The following C12orf76 variants were observed in gnomAD, a reference collection of about 807,000 sequenced individuals.
The protein encoded by C12orf76 is chromosome 12 open reading frame 76.
C12orf76 carries 6 observed loss-of-function variants against 6.8 expected under a neutral mutation model. The ratio of observed to expected loss-of-function variants is 0.88; its 90% CI spans 0.48 to 1.73. The LOEUF is 1.73. Among genes scored for constraint, C12orf76 ranks in the 40% most tolerant of loss-of-function variants. C12orf76 has a pLI of 0.01. For missense variants in C12orf76, 99 were observed against 98.2 expected (o/e 1.01, Z -0.03); for synonymous variants, 56 against 43.7 (o/e 1.28, Z -1.11).
chr12:110,050,689 G>A (rs1221219019), upstream of C12orf76: 12 of 369,300 alleles, frequency 3.2e-5, no homozygotes, highest in South Asian at 2.1e-4. Context: ...TCCACCCCTC[G>A]TTTAGCGTAT....
At chr12:110,067,716 G>C, upstream of C12orf76, 1 of 257,732 alleles carries the variant, frequency 3.9e-6, no homozygotes, top group Non-Finnish European at 6.1e-6. Flanking sequence ...ACAGGAACCA[G>C]CACATGACCC....
At chr12:110,047,511 A>AAACAAC (rs997254234) in intron 1 of C12orf76, among the ~76,000 whole-genome samples, 1 of 151,994 alleles carries the variant, frequency 6.6e-6, no homozygotes. Context: ...TACAAAAAGT[A>AAACAAC]AACAACAACA....
At chr12:110,058,065 C>CAAAAAAAAAAAAAAAAAAAAAAAAAAA (rs59838926) in intron 3 of C12orf76, among the ~76,000 whole-genome samples, 2 of 52,672 alleles carry the variant, frequency 3.8e-5, no homozygotes, top group African/African-American at 6.7e-5. Flanking sequence ...GACTCGGTCT[C>CAAAAAAAAAAAAAAAAAAAAAAAAAAA]AAAAAAAAAA....
rs1197353893 is a variant in C12orf76 at position 110,042,007 on chromosome 12, A to C, written c.*367T>G. On this transcript the variant is annotated 3_prime_UTR_variant, in exon 2 of 2. Transcript: ENST00000615315. Reference sequence around the variant, plus strand: ...CTGCATGGTAAGTCTCCTTCTTAATAACATTTTCAAGCATTAATGATGAGT... The same window carrying C: ...CTGCATGGTAAGTCTCCTTCTTAATCACATTTTCAAGCATTAATGATGAGT... The C allele has an allele frequency of 4.6e-6, 1 of 215,306 alleles. No homozygotes were observed. The allele number at this position is 215,306 out of a possible 1,614,324, so 13.3% of individuals were successfully genotyped here.
chr12:110,053,151 C>T (rs1892611194), upstream of C12orf76, among the ~76,000 whole-genome samples: 1 of 149,170 alleles, frequency 6.7e-6, no homozygotes, highest in Non-Finnish European at 1.5e-5. Flanking sequence ...AATATCGTGC[C>T]ACTGTACTCC....
intron 1 of C12orf76, chr12:110,066,113 G>A (rs760006496): frequency 9.9e-5 from 138 of 1,397,352 alleles, no homozygotes; most frequent in South Asian, 9.1e-4. Context: ...CAGGCCGGGC[G>A]CGGTAGCTCA....
At chr12:110,042,570 T>C in intron 1 of C12orf76, 111 bp from the exon 2 acceptor site, 1 of 743,808 alleles carries the variant, frequency 1.3e-6, no homozygotes, top group South Asian at 1.4e-5. Flanking sequence ...CTATGTCAAG[T>C]GCTGTGCAAA....
upstream of C12orf76, chr12:110,050,603 G>A (rs533307712): frequency 7.9e-5 from 16 of 203,036 alleles, no homozygotes; most frequent in East Asian, 1.1e-3. Context: ...TCCCAGCAGC[G>A]CCATGACAGT....
chr12:110,070,894 C>T (rs1892953803), upstream of C12orf76, among the ~76,000 whole-genome samples: 1 of 152,206 alleles, frequency 6.6e-6, no homozygotes, highest in Non-Finnish European at 1.5e-5. Flanking sequence ...TGTGCCTCAG[C>T]TTACCGAGTA....
At chr12:110,051,066 G>A (rs750391379), upstream of C12orf76, 44 of 780,166 alleles carry the variant, frequency 5.6e-5, no homozygotes, top group Middle Eastern at 1.1e-3. Flanking sequence ...CTTTCTCCAC[G>A]ATCTCCTCTT....
upstream of C12orf76, chr12:110,050,315 T>C (rs561236190): frequency 9.8e-5 from 15 of 152,560 alleles, no homozygotes; most frequent in African/African-American, 3.6e-4. Flanking sequence ...ATTAGTATCA[T>C]TCACCTCACA....
upstream of C12orf76, among the ~76,000 whole-genome samples, chr12:110,052,661 A>G (rs530391721): frequency 1.4e-4 from 22 of 152,308 alleles, no homozygotes; most frequent in South Asian, 4.1e-4. Flanking sequence ...TTACTCATTC[A>G]GTTTATTTAT....
chr12:110,043,626 G>A (rs1039932335), intron 1 of C12orf76, among the ~76,000 whole-genome samples: 6 of 152,118 alleles, frequency 3.9e-5, no homozygotes, highest in Non-Finnish European at 8.8e-5. Context: ...GGCCGAGGCA[G>A]GCGGATCACG....
intron 1 of C12orf76, among the ~76,000 whole-genome samples, chr12:110,045,302 A>T (rs1892420414): frequency 6.6e-6 from 1 of 152,208 alleles, no homozygotes; most frequent in African/African-American, 2.4e-5. Flanking sequence ...AAAAAAATTT[A>T]AAACTCTCGG....
At chr12:110,052,999 A>G (rs1013631), upstream of C12orf76, among the ~76,000 whole-genome samples, 76 of 150,202 alleles carry the variant, frequency 5.1e-4, no homozygotes, top group Admixed American at 4.3e-3. Context: ...TCAGGAGATC[A>G]AGACCATCCT....
At chr12:110,055,504 G>T (rs1381976001) in intron 4 of C12orf76, among the ~76,000 whole-genome samples, 1 of 152,156 alleles carries the variant, frequency 6.6e-6, no homozygotes, top group African/African-American at 2.4e-5. Flanking sequence ...ACCGTGCCTG[G>T]CAGAGACAGA....
chr12:110,048,843 A>G (rs1033470951), upstream of C12orf76: 22 of 204,228 alleles, frequency 1.1e-4, no homozygotes, highest in Non-Finnish European at 1.9e-4. Flanking sequence ...GAATCCATGC[A>G]TTTTCTTATT....
chr12:110,063,439 C>T (rs917611642), intron 2 of C12orf76, among the ~76,000 whole-genome samples: 5 of 148,884 alleles, frequency 3.4e-5, no homozygotes, highest in African/African-American at 5.0e-5. Flanking sequence ...CCTACCACTA[C>T]GCCTGGCTAA....
upstream of C12orf76, among the ~76,000 whole-genome samples, chr12:110,069,907 T>C (rs1414605653): frequency 1.3e-5 from 2 of 152,188 alleles, no homozygotes; most frequent in Non-Finnish European, 2.9e-5. Flanking sequence ...TATTCATCAT[T>C]ATAAGGTGTT....
Sources: allele counts gnomAD v4.1 joint callset (sites outside exome capture counted in the v4.1 genomes callset), GRCh38; gene constraint gnomAD v4.1.1; transcripts MANE v1.5; gene names NCBI Gene and HGNC (gene_info 2026-07-23, HGNC 2026-07-21).